The following NEDD4 variants were observed in gnomAD, a reference collection of about 807,000 sequenced individuals.
NEDD4 encodes the protein E3 ubiquitin-protein ligase NEDD4.
NEDD4 carries 99 observed loss-of-function variants against 144.9 expected under a neutral mutation model. The observed-to-expected ratio is 0.68, with a 90% confidence interval of 0.58 to 0.81. NEDD4 has a LOEUF of 0.81. NEDD4 is among the 30% of genes least tolerant of loss of function. The pLI is 0.00. For synonymous variants in NEDD4, 318 were observed against 350.6 expected (o/e 0.91, Z 1.04); for missense variants, 985 against 1,065.9 (o/e 0.92, Z 1.06).
chr15:55,869,085 C>A (rs1394811371), intron 8 of NEDD4, among the ~76,000 whole-genome samples: 1 of 152,152 alleles, frequency 6.6e-6, no homozygotes, highest in Non-Finnish European at 1.5e-5. Context: ...TCCTGTCATC[C>A]ATGAAAATTG....
chr15:55,920,637 C>T (rs2036551636), intron 5 of NEDD4, among the ~76,000 whole-genome samples: 1 of 152,154 alleles, frequency 6.6e-6, no homozygotes, highest in African/African-American at 2.4e-5. Flanking sequence ...GTTGTTTCTG[C>T]TTAATATTAT....
intron 5 of NEDD4, among the ~76,000 whole-genome samples, chr15:55,886,532 C>T (rs566380603): frequency 2.7e-4 from 41 of 152,212 alleles, no homozygotes; most frequent in Non-Finnish European, 5.4e-4. Context: ...TTTGGGAGGC[C>T]GAGGTGGGTG....
chr15:55,942,652 G>C (rs10744958), intron 4 of NEDD4, among the ~76,000 whole-genome samples: 117,994 of 152,146 alleles, frequency 0.78, 45,997 homozygotes, highest in African/African-American at 0.84. Context: ...GTCAATTACA[G>C]CCGTTTTCTT....
intron 4 of NEDD4, among the ~76,000 whole-genome samples, chr15:55,929,653 C>T (rs747478841): frequency 7.2e-5 from 11 of 152,038 alleles, no homozygotes; most frequent in Non-Finnish European, 1.6e-4. Context: ...AAAATTGTAA[C>T]ATATAATTGT....
intron 2 of NEDD4, among the ~76,000 whole-genome samples, chr15:55,963,135 A>T (rs201805609): frequency 0.13 from 17,737 of 134,782 alleles, 1,189 homozygotes; most frequent in East Asian, 0.31. Flanking sequence ...ACTCTTTTTT[A>T]TTTTTTTTTT....
At chr15:55,884,284 C>T (rs1311825292) in intron 5 of NEDD4, among the ~76,000 whole-genome samples, 4 of 152,156 alleles carry the variant, frequency 2.6e-5, no homozygotes, top group African/African-American at 9.7e-5. Flanking sequence ...TCACAACAAC[C>T]AGGTCCCTTT....
chr15:55,829,905 C>T lies in NEDD4; in HGVS notation c.2695G>A (p.Val899Ile). The change falls in exon 29 of 29, where the codon GTT (valine) becomes ATT (isoleucine). Residue 899 changes from valine (V) to isoleucine (I), a missense_variant. Physicochemically the swap from Val to Ile is conservative, Grantham distance 29. Transcript: ENST00000435532. ...AIENTQGFDG[V>I]D ...AGATTGTTATTTGTAATCTAATCAA[C>T]TCCATCAAAGCCCTGGGTGTTTTCA... The T allele has an allele frequency of 6.2e-7, 1 of 1,610,660 alleles. No individual in the cohort carries two copies. The highest frequency in any genetic ancestry group is 1.7e-4 in the Middle Eastern group (1 of 6,048).
chr15:55,971,334 C>G (rs7497861), intron 1 of NEDD4, among the ~76,000 whole-genome samples: 22,578 of 151,942 alleles, frequency 0.15, 1,820 homozygotes, highest in East Asian at 0.32. Flanking sequence ...GCAAAGTTAA[C>G]AGTTATTGGG....
At chr15:55,935,739 C>T (rs1195115141) in intron 4 of NEDD4, among the ~76,000 whole-genome samples, 14 of 148,918 alleles carry the variant, frequency 9.4e-5, no homozygotes, top group African/African-American at 3.5e-4. Context: ...CCCAGCTACT[C>T]GGGAGGCTGC....
chr15:55,848,998 A>G (rs780635736), intron 14 of NEDD4, 112 bp from the exon 15 acceptor site: 48 of 807,640 alleles, frequency 5.9e-5, no homozygotes, highest in Non-Finnish European at 9.6e-5. Flanking sequence ...TCTCTTGTAA[A>G]AGTCAATTTA....
chr15:55,916,771 C>T (rs2036463068), intron 5 of NEDD4: 9 of 1,613,772 alleles, frequency 5.6e-6, no homozygotes, highest in Middle Eastern at 1.6e-4. Flanking sequence ...CCGGAGGTTT[C>T]TGACAAAGGG....
chr15:55,938,661 G>T (rs1245464960), intron 4 of NEDD4, among the ~76,000 whole-genome samples: 1 of 151,974 alleles, frequency 6.6e-6, no homozygotes, highest in African/African-American at 2.4e-5. Flanking sequence ...AATCAACAAA[G>T]TGAAAAGGCA....
At chr15:55,838,016 A>G (rs1257446913) in intron 23 of NEDD4, 91 bp downstream of exon 23, 6 of 951,404 alleles carry the variant, frequency 6.3e-6, no homozygotes, top group Non-Finnish European at 9.6e-6. Context: ...GAGATTCTGG[A>G]CAAGGGGACA....
chr15:55,874,114 T>A (rs2034906753), intron 5 of NEDD4, 106 bp from the exon 6 acceptor site: 1 of 578,192 alleles, frequency 1.7e-6, no homozygotes, highest in Non-Finnish European at 3.1e-6. Flanking sequence ...GTTTTTTTTT[T>A]ATTCAGTCAT....
intron 1 of NEDD4, among the ~76,000 whole-genome samples, chr15:55,975,948 C>A (rs1566975373): frequency 6.6e-6 from 1 of 152,114 alleles, no homozygotes. Context: ...ACCAATGGAA[C>A]AGAATAGAGA....
chr15:55,946,630 T>C (rs1156551519), intron 4 of NEDD4, among the ~76,000 whole-genome samples: 2 of 152,144 alleles, frequency 1.3e-5, no homozygotes, highest in African/African-American at 2.4e-5. Context: ...TATCCAGGAA[T>C]TGAACTCAGC....
rs1332917898 is a variant in NEDD4, at chr15:55,906,206, T to C, written c.291+18440A>G. Among the ~76,000 whole-genome samples the C allele has an allele frequency of 2.0e-5, 3 of 152,196 alleles. No individual in the cohort carries two copies. The South Asian group carries it at 6.2e-4, about 32-fold the overall frequency. On this transcript the variant is annotated intron_variant, in intron 5 of 28. Transcript: ENST00000435532. ...GTGGGACTCTAAACTAGTTCAACCA[T>C]TGTGGAAGACAGTGTGGCGATTCCT...
In NEDD4 at chr15:55,993,595, C is replaced by T. The variant is rs370543174; in HGVS notation, c.-40G>A. Reference sequence around the variant, plus strand: ...AGCAAACCGGACGCGCTCGCCCCCGCCCAGGGCAGGCAACTGTGGAGGAGG... The same window carrying T: ...AGCAAACCGGACGCGCTCGCCCCCGTCCAGGGCAGGCAACTGTGGAGGAGG... On this transcript the variant is annotated 5_prime_UTR_variant, in exon 1 of 29. Coordinates refer to ENST00000435532, the MANE Select transcript of NEDD4 (RefSeq NM_006154.4). The T allele has an allele frequency of 5.6e-5, 89 of 1,586,018 alleles. No homozygotes were observed. The highest frequency in any genetic ancestry group is 7.2e-5 in the Non-Finnish European group (84 of 1,169,390).
intron 1 of NEDD4, among the ~76,000 whole-genome samples, chr15:55,983,451 T>A (rs766240559): frequency 1.1e-4 from 16 of 152,192 alleles, no homozygotes; most frequent in Non-Finnish European, 2.2e-4. Flanking sequence ...CCAACCTTCC[T>A]GTTCGTCTCC....
Sources: allele counts gnomAD v4.1 joint callset (sites outside exome capture counted in the v4.1 genomes callset), GRCh38; gene constraint gnomAD v4.1.1; transcripts MANE v1.5; gene names NCBI Gene and HGNC (gene_info 2026-07-23, HGNC 2026-07-21).